The following TCF15 variants were observed in gnomAD, a reference collection of about 807,000 sequenced individuals.
TCF15 encodes transcription factor 15, also known as TCF-15.
A neutral mutation model predicts 11.1 loss-of-function variants in TCF15; 7 were observed. That is an observed-to-expected ratio of 0.63 (90% CI 0.36 to 1.19). The LOEUF is 1.19. Ranked by LOEUF, TCF15 falls within the 50% of genes most tolerant of loss-of-function variation. The pLI is 0.02. For missense variants in TCF15, 288 were observed against 289.4 expected, an observed-to-expected ratio of 1.00 and a Z score of 0.03; for synonymous variants, 144 against 138.9, an observed-to-expected ratio of 1.04 and a Z score of -0.26.
In TCF15 at chr20:609,793, C is replaced by T. The variant is rs1163219569; in HGVS notation, c.445G>A (p.Gly149Ser). 6.1e-6 allele frequency: 9 copies of T among 1,473,066 alleles called. No homozygotes were observed. The highest frequency in any genetic ancestry group is 8.0e-6 in the Non-Finnish European group (9 of 1,122,330). 91.2% of individuals were successfully genotyped at this position (1,473,066 alleles called of 1,614,324 possible). ...PCFRAAGSAK[G>S]AVPAAADGGR... ...CCGTCGGCGGCGGCGGGGACGGCGC[C>T]CTTGGCACTGCCCGCGGCACGGAAG... Residue 149 changes from glycine (G) to serine (S), a missense_variant, in exon 1 of 2, where the codon GGC becomes AGC. Physicochemically the swap from Gly to Ser is moderately conservative, Grantham distance 56. Coordinates refer to ENST00000246080, the MANE Select transcript of TCF15 (RefSeq NM_004609.4). This position sits in a 1 kb window ranked among gnomAD's most constrained non-coding sequence, Gnocchi z 4.7.
intron 1 of TCF15, among the ~76,000 whole-genome samples, chr20:608,462 T>TG (rs1199189267): frequency 6.6e-6 from 1 of 152,182 alleles, no homozygotes; most frequent in Non-Finnish European, 1.5e-5. Flanking sequence ...CAGCCCAGCC[T>TG]GGGGCACTGA....
At chr20:606,333 A>G (rs1358645745) in intron 1 of TCF15, among the ~76,000 whole-genome samples, 1 of 151,288 alleles carries the variant, frequency 6.6e-6, no homozygotes, top group Non-Finnish European at 1.5e-5. Flanking sequence ...GGACAGGGAG[A>G]GCCGCCCCCT....
intron 1 of TCF15, among the ~76,000 whole-genome samples, chr20:606,815 C>T (rs546541415): frequency 7.0e-6 from 1 of 142,142 alleles, no homozygotes; most frequent in Non-Finnish European, 1.5e-5. Context: ...GAGACTCCAT[C>T]GCAAAAAAAA....
intron 1 of TCF15, among the ~76,000 whole-genome samples, chr20:607,473 C>G (rs1219461522): frequency 6.6e-6 from 1 of 152,200 alleles, no homozygotes; most frequent in Non-Finnish European, 1.5e-5. Flanking sequence ...CAAGAGCTCC[C>G]CAAGCCAGCC....
rs1301820104 is a variant in TCF15 at position 609,662 on chromosome 20, C to A, written c.525+51G>T. 7.5e-7 allele frequency: 1 copy of A among 1,326,294 alleles called. No homozygotes were observed. The highest frequency in any genetic ancestry group is 9.6e-7 in the Non-Finnish European group (1 of 1,045,946). The allele number at this position is 1,326,294 out of a possible 1,614,324, so 82.2% of individuals were successfully genotyped here. On this transcript the variant is annotated intron_variant, in intron 1 of 1. Transcript: ENST00000246080. The surrounding 1 kb of genome is among the most constrained non-coding windows in gnomAD (Gnocchi z 4.7). ...TCTCCGGTTCCCGCAGAGGCGCTGC[C>A]CCCCGCCTACCCCGACCTGGCGGCC...
intron 1 of TCF15, among the ~76,000 whole-genome samples, chr20:605,794 G>T (rs1047079972): frequency 1.3e-5 from 2 of 152,220 alleles, no homozygotes; most frequent in Non-Finnish European, 2.9e-5. Context: ...AAGCCAGAGA[G>T]GTCACAGATG....
intron 1 of TCF15, among the ~76,000 whole-genome samples, chr20:606,548 G>A (rs1430398203): frequency 1.3e-5 from 2 of 152,146 alleles, no homozygotes; most frequent in Non-Finnish European, 2.9e-5. Context: ...GGGTATGGTG[G>A]CTTATGCCTG....
chr20:604,650 G>A lies in TCF15; in HGVS notation c.541C>T (p.Leu181=). Residue 181 remains leucine (L), a synonymous_variant, in exon 2 of 2, where the codon CTG becomes TTG. Coordinates refer to ENST00000246080, the MANE Select transcript of TCF15 (RefSeq NM_004609.4). This position sits in a 1 kb window ranked among gnomAD's most constrained non-coding sequence, Gnocchi z 4.2. The stretch of plus-strand genomic sequence containing the variant: ...CTCACCTTCAAGCAGCTGCCCCCCA[G>A]GTCACGACGGCCACCCTGCAGAGGG... The part of the protein sequence containing the change: ...NQRKGGGRRD[L]GGSCLKVRGV... 1 of 1,552,690 alleles carries A rather than the reference G, an allele frequency of 6.4e-7. No homozygotes were observed. The highest frequency in any genetic ancestry group is 8.7e-7 in the Non-Finnish European group (1 of 1,147,516).
chr20:609,874 C>T lies in TCF15; in HGVS notation c.364G>A (p.Ala122Thr), dbSNP rs1177716973. 9 of 1,527,192 alleles carry T rather than the reference C, an allele frequency of 5.9e-6. No individual in the cohort carries two copies. Among genetic ancestry groups the T allele is most frequent in the Non-Finnish European group, 7.8e-6 (9 of 1,147,834 alleles). 94.6% of individuals were successfully genotyped at this position (1,527,192 alleles called of 1,614,324 possible). Residue 122 changes from alanine to threonine, a missense_variant, in exon 1 of 2, where the codon GCG (alanine) becomes ACG (threonine). Physicochemically the swap from Ala to Thr is moderately conservative, Grantham distance 58. Coordinates refer to ENST00000246080, the MANE Select transcript of TCF15 (RefSeq NM_004609.4). This position sits in a 1 kb window ranked among gnomAD's most constrained non-coding sequence, Gnocchi z 4.7. Reference sequence around the variant, plus strand: ...AGCAGCAGCACGTTGGCCAGGTGCGCGATGTAGCTGGACGCCAGGCGCACG... The same window carrying T: ...AGCAGCAGCACGTTGGCCAGGTGCGTGATGTAGCTGGACGCCAGGCGCACG... ...ETVRLASSYI[A>T]HLANVLLLGD...
Position 609,685 on chromosome 20 carries a change from G to A in TCF15, c.525+28C>T. 1.5e-6 allele frequency: 2 copies of A among 1,336,426 alleles called. No homozygotes were observed. Among genetic ancestry groups the A allele is most frequent in the South Asian group, 2.0e-5 (1 of 50,110 alleles). The allele number at this position is 1,336,426 out of a possible 1,614,324, so 82.8% of individuals were successfully genotyped here. ...GCCCCCCGCCTACCCCGACCTGGCG[G>A]CCGCAGCGAGGGACGCAGCACACTC... On this transcript the variant is annotated intron_variant, in intron 1 of 1. Coordinates refer to ENST00000246080, the MANE Select transcript of TCF15 (RefSeq NM_004609.4). This position sits in a 1 kb window ranked among gnomAD's most constrained non-coding sequence, Gnocchi z 4.7.
intron 1 of TCF15, among the ~76,000 whole-genome samples, chr20:606,775 G>A (rs1286794368): frequency 6.7e-6 from 1 of 149,310 alleles, no homozygotes; most frequent in East Asian, 2.0e-4. Flanking sequence ...TTGAGATCGT[G>A]CCACTGTACT....
In TCF15 at chr20:604,328, T is replaced by A. The variant is rs574246837; in HGVS notation, c.*263A>T. The A allele has an allele frequency of 3.5e-6, 2 of 569,036 alleles. No individual in the cohort carries two copies. The highest frequency in any genetic ancestry group is 3.1e-5 in the Admixed American group (1 of 32,492). The allele number at this position is 569,036 out of a possible 1,614,324, so 35.2% of individuals were successfully genotyped here. On this transcript the variant is annotated 3_prime_UTR_variant, in exon 2 of 2. Coordinates refer to ENST00000246080, the MANE Select transcript of TCF15 (RefSeq NM_004609.4). The surrounding 1 kb of genome is among the most constrained non-coding windows in gnomAD (Gnocchi z 4.2). ...ACACACACTCACACTCACGCACAGATACACACACACCCTGTCACCAACAGT... is the reference window on the plus strand; with the variant it reads ...ACACACACTCACACTCACGCACAGAAACACACACACCCTGTCACCAACAGT...
In TCF15 at chr20:604,446, T is replaced by C. The variant is rs983857560; in HGVS notation, c.*145A>G. ...ACAGCTCTCCAGGATCGGGTGGAGA[T>C]GTCCCGAGGGCCCTGCCCAGAGTGT... On this transcript the variant is annotated 3_prime_UTR_variant, in exon 2 of 2. Transcript: ENST00000246080. The surrounding 1 kb of genome is among the most constrained non-coding windows in gnomAD (Gnocchi z 4.2). 8 of 735,002 alleles carry C rather than the reference T, an allele frequency of 1.1e-5. No homozygotes were observed. The highest frequency in any genetic ancestry group is 2.3e-5 in the Admixed American group (1 of 43,802). 45.5% of individuals were successfully genotyped at this position (735,002 alleles called of 1,614,324 possible).
intron 1 of TCF15, among the ~76,000 whole-genome samples, chr20:605,930 G>C (rs1294712589): frequency 1.3e-5 from 2 of 152,252 alleles, no homozygotes; most frequent in Non-Finnish European, 2.9e-5. Context: ...TCCAGGACAT[G>C]ATAGTGTCTG....
Position 604,648 on chromosome 20 carries a change from C to T in TCF15, c.543G>A (p.Leu181=). The change falls in exon 2 of 2, where the codon CTG becomes CTA. Residue 181 remains leucine, a synonymous_variant. Transcript: ENST00000246080. The surrounding 1 kb of genome is among the most constrained non-coding windows in gnomAD (Gnocchi z 4.2). ...CCCTCACCTTCAAGCAGCTGCCCCC[C>T]AGGTCACGACGGCCACCCTGCAGAG... is the stretch of plus-strand genomic sequence containing the variant. The part of the protein sequence containing the change: ...NQRKGGGRRD[L]GGSCLKVRGV... 1 of 1,552,950 alleles carries T rather than the reference C, an allele frequency of 6.4e-7. No homozygotes were observed. The highest frequency in any genetic ancestry group is 8.7e-7 in the Non-Finnish European group (1 of 1,147,642).
Position 609,989 on chromosome 20 carries a change from G to A in TCF15, c.249C>T (p.Asp83=), listed in dbSNP as rs750618366. ...AGGCCGTGTTCACGCTCTGAGTGCG[G>A]TCCCGCTCCCGCGCGTTGGCCGCCT... The part of the protein sequence containing the change: ...QRQAANARER[D]RTQSVNTAFT... Residue 83 remains aspartate (D), a synonymous_variant, in exon 1 of 2, where the codon GAC becomes GAT. Transcript: ENST00000246080. This position sits in a 1 kb window ranked among gnomAD's most constrained non-coding sequence, Gnocchi z 4.7. 2 of 1,378,038 alleles carry A rather than the reference G, an allele frequency of 1.5e-6. No homozygotes were observed. Among genetic ancestry groups the A allele is most frequent in the South Asian group, 3.5e-5 (2 of 57,150 alleles). 85.4% of individuals were successfully genotyped at this position (1,378,038 alleles called of 1,614,324 possible). A position where few individuals can be genotyped will look rare whatever the true frequency, so the allele number is the denominator to read the frequency against.
intron 1 of TCF15, among the ~76,000 whole-genome samples, chr20:607,028 G>T (rs1000633007): frequency 1.3e-5 from 2 of 152,168 alleles, no homozygotes; most frequent in South Asian, 2.1e-4. Context: ...CCGTAAAGGG[G>T]AATTACTTTA....
chr20:605,151 C>T (rs188816963), intron 1 of TCF15, among the ~76,000 whole-genome samples: 9 of 152,324 alleles, frequency 5.9e-5, no homozygotes, highest in East Asian at 3.9e-4. Flanking sequence ...CCGCCACACC[C>T]GGCTAATTTT....
In TCF15 at chr20:609,748, T is replaced by A; in HGVS notation, c.490A>T (p.Ile164Phe). 3 of 1,407,244 alleles carry A rather than the reference T, an allele frequency of 2.1e-6. No homozygotes were observed. The highest frequency in any genetic ancestry group is 2.7e-6 in the Non-Finnish European group (3 of 1,092,994). The allele number at this position is 1,407,244 out of a possible 1,614,324, so 87.2% of individuals were successfully genotyped here. ...AADGGRQPRS[I>F]CTFCLSNQRK... Reference sequence around the variant, plus strand: ...TGGTTGCTGAGGCAGAAGGTGCAGATGGAGCGCGGCTGGCGGCCGCCGTCG... The same window carrying A: ...TGGTTGCTGAGGCAGAAGGTGCAGAAGGAGCGCGGCTGGCGGCCGCCGTCG... The change falls in exon 1 of 2, where the codon ATC becomes TTC. Residue 164 changes from isoleucine (I) to phenylalanine (F), a missense_variant. Transcript: ENST00000246080. This position sits in a 1 kb window ranked among gnomAD's most constrained non-coding sequence, Gnocchi z 4.7.
Sources: gnomAD v4.1 joint callset for allele counts (sites outside exome capture counted in the v4.1 genomes callset) on GRCh38, gnomAD v4.1.1 for gene constraint, Gnocchi (gnomAD v3.1) non-coding constraint, MANE v1.5 for transcripts, NCBI Gene and HGNC (gene_info 2026-07-23, HGNC 2026-07-21) for gene names.